Variants in OTOGL observed in about 807,000 individuals in gnomAD.
OTOGL encodes the protein otogelin-like protein.
OTOGL carries 285 observed loss-of-function variants against 318.5 expected under a neutral mutation model. The ratio of observed to expected loss-of-function variants is 0.89; its 90% CI spans 0.81 to 0.99. OTOGL has a LOEUF of 0.99. Ranked by LOEUF, OTOGL falls within the 50% of genes least tolerant of loss-of-function variation. The pLI, the probability that OTOGL is intolerant of heterozygous loss-of-function variation, is 0.00. For synonymous variants in OTOGL, 987 were observed against 936.5 expected, an observed-to-expected ratio of 1.05 and a Z score of -0.99; for missense variants, 2,899 against 2,845.6, an observed-to-expected ratio of 1.02 and a Z score of -0.43.
intron 29 of OTOGL, among the ~76,000 whole-genome samples, chr12:80,308,107 A>C (rs1353550093): frequency 3.5e-5 from 4 of 113,890 alleles, no homozygotes; most frequent in Admixed American, 8.8e-5. Flanking sequence ...TGACCCCCCC[A>C]CCTCCCTCCC....
chr12:80,361,910 T>C (rs1469000738), intron 52 of OTOGL, among the ~76,000 whole-genome samples: 1 of 152,220 alleles, frequency 6.6e-6, no homozygotes, highest in Non-Finnish European at 1.5e-5. Context: ...TTTTCAAATA[T>C]ATTCTCTCAC....
chr12:80,353,058 T>G (rs1033133920), intron 45 of OTOGL, among the ~76,000 whole-genome samples: 3 of 152,242 alleles, frequency 2.0e-5, no homozygotes, highest in Admixed American at 1.3e-4. Context: ...TATTTATTTG[T>G]TATACATCTG....
At chr12:80,291,995 T>C (rs1885075894) in intron 26 of OTOGL, among the ~76,000 whole-genome samples, 1 of 152,162 alleles carries the variant, frequency 6.6e-6, no homozygotes, top group African/African-American at 2.4e-5. Context: ...TTTTTCTTTT[T>C]TTGTTTTTTT....
chr12:80,340,706 C>T (rs1888710229), intron 43 of OTOGL, among the ~76,000 whole-genome samples: 2 of 152,092 alleles, frequency 1.3e-5, no homozygotes, highest in Admixed American at 6.6e-5. Flanking sequence ...CTGTCAGGAT[C>T]ACTAGACTAG....
intron 1 of OTOGL, among the ~76,000 whole-genome samples, chr12:80,130,419 G>A (rs866218645): frequency 2.6e-5 from 4 of 152,226 alleles, no homozygotes; most frequent in Non-Finnish European, 5.9e-5. Context: ...ATGACAACTT[G>A]AAGAGTTGGA....
rs771364968 is a variant in OTOGL, at chr12:80,353,362, T to A, written c.5445T>A (p.Cys1815Ter). The A allele has an allele frequency of 3.8e-6, 6 of 1,597,640 alleles. No individual in the cohort carries two copies. The South Asian group carries it at 6.9e-5, about 18-fold the overall frequency. ...CAGAGGGGAAGGAATATCAACCCTG[T>A]GTGCGACCTTGTGAAGCAAGAACAT... is the stretch of plus-strand genomic sequence containing the variant. ...SCPEGKEYQPCVRPCEARTCL... is the reference protein window; with the variant it reads ...SCPEGKEYQP The change falls in exon 46 of 59, where the codon TGT becomes TGA. Residue 1815 changes from cysteine (C) to a stop codon, truncating the protein, a stop_gained. Coordinates refer to ENST00000547103, the MANE Select transcript of OTOGL (RefSeq NM_001378609.3). LOFTEE classifies it high-confidence loss of function.
chr12:80,237,072 C>T (rs1178178108), intron 9 of OTOGL, among the ~76,000 whole-genome samples: 1 of 152,082 alleles, frequency 6.6e-6, no homozygotes, highest in Non-Finnish European at 1.5e-5. Flanking sequence ...ACCTCAGCCT[C>T]CCAGAGTGCT....
intron 1 of OTOGL, among the ~76,000 whole-genome samples, chr12:80,188,624 G>A (rs1401321300): frequency 1.3e-5 from 2 of 151,642 alleles, no homozygotes; most frequent in South Asian, 2.1e-4. Flanking sequence ...TTGTTCAAAT[G>A]TCCATAAAAA....
At chr12:80,269,576 A>C (rs971989473) in intron 22 of OTOGL, among the ~76,000 whole-genome samples, 1 of 152,120 alleles carries the variant, frequency 6.6e-6, no homozygotes, top group African/African-American at 2.4e-5. Flanking sequence ...GCTATGTAGA[A>C]TGCTGCTTTA....
rs141441675 is a variant in OTOGL at position 80,286,180 on chromosome 12, G to A, written c.2928+7014G>A. 8.7e-4 allele frequency among the ~76,000 whole-genome samples: 132 copies of A among 152,230 alleles called. 1 individual carries two copies. In the East Asian group the frequency reaches 0.025, roughly 29 times the overall value. On this transcript the variant is annotated intron_variant, in intron 26 of 58. Coordinates refer to ENST00000547103, the MANE Select transcript of OTOGL (RefSeq NM_001378609.3). ...TTTTCTGTGATGGATTAGATTTATT[G>A]ATTTGTGTATGTTGAACCAGCTTTG...
intron 1 of OTOGL, among the ~76,000 whole-genome samples, chr12:80,196,946 G>C (rs1486211153): frequency 6.6e-6 from 1 of 152,096 alleles, no homozygotes; most frequent in Admixed American, 6.5e-5. Context: ...TTCAGGAAAA[G>C]CCAACCAGTA....
intron 1 of OTOGL, among the ~76,000 whole-genome samples, chr12:80,176,805 T>A (rs182878168): frequency 2.5e-3 from 385 of 152,242 alleles, no homozygotes; most frequent in African/African-American, 6.8e-3. Context: ...TAATTTTTTT[T>A]AAAAAAATTG....
At chr12:80,108,170 T>C (rs1869570550) in intron 1 of OTOGL, among the ~76,000 whole-genome samples, 1 of 152,146 alleles carries the variant, frequency 6.6e-6, no homozygotes. Context: ...TATTTTTACA[T>C]TTAGTCATTA....
Position 80,367,587 on chromosome 12 carries a change from G to A in OTOGL, c.6358G>A (p.Glu2120Lys). 1 of 1,540,568 alleles carries A rather than the reference G, an allele frequency of 6.5e-7. No individual in the cohort carries two copies. Among genetic ancestry groups the A allele is most frequent in the Non-Finnish European group, 8.8e-7 (1 of 1,133,064 alleles). The change falls in exon 54 of 59, where the codon GAA becomes AAA. Residue 2120 changes from glutamate (E) to lysine (K), a missense_variant. Physicochemically the swap from Glu to Lys is moderately conservative, Grantham distance 56 (BLOSUM62 1). This residue lies in a region of OTOGL where 289 missense variants were observed against 304.6 expected (regional missense o/e 0.95). Coordinates refer to ENST00000547103, the MANE Select transcript of OTOGL (RefSeq NM_001378609.3). ...CEKDDVCVFQEVSVLNPGQSM... is the reference protein window; with the variant it reads ...CEKDDVCVFQKVSVLNPGQSM... ...AAAGGATGATGTGTGTGTATTTCAA[G>A]AAGTATCAGTATTGAATCCTGGACA...
chr12:80,145,467 A>C (rs1183194379), intron 1 of OTOGL, among the ~76,000 whole-genome samples: 2 of 151,838 alleles, frequency 1.3e-5, no homozygotes, highest in Non-Finnish European at 2.9e-5. Flanking sequence ...GTAGCCTTCT[A>C]GTATAGTTTG....
intron 1 of OTOGL, among the ~76,000 whole-genome samples, chr12:80,158,160 A>G (rs1235051526): frequency 6.6e-6 from 1 of 152,144 alleles, no homozygotes; most frequent in Non-Finnish European, 1.5e-5. Context: ...TAAAAAAACA[A>G]CAGTGTTTTA....
intron 28 of OTOGL, among the ~76,000 whole-genome samples, chr12:80,305,372 A>C (rs763074912): frequency 6.6e-6 from 1 of 152,194 alleles, no homozygotes; most frequent in Non-Finnish European, 1.5e-5. Flanking sequence ...AATCAGGTAA[A>C]ATATTTTTGC....
chr12:80,339,711 G>A (rs1327598222), intron 43 of OTOGL, among the ~76,000 whole-genome samples: 2 of 152,068 alleles, frequency 1.3e-5, no homozygotes, highest in Admixed American at 6.6e-5. Flanking sequence ...TTAAAAGCTT[G>A]AAATCAGGGA....
chr12:80,181,187 A>T (rs959191758), intron 1 of OTOGL, among the ~76,000 whole-genome samples: 2 of 151,726 alleles, frequency 1.3e-5, no homozygotes. Flanking sequence ...CATAAAAACC[A>T]ATTAGCATAC....
Sources: gnomAD v4.1 joint callset for allele counts (sites outside exome capture counted in the v4.1 genomes callset) on GRCh38, gnomAD v4.1.1 for gene constraint, gnomAD v4.1.1 regional missense constraint, MANE v1.5 for transcripts, NCBI Gene and HGNC (gene_info 2026-07-23, HGNC 2026-07-21) for gene names.